DOCK10: variants seen among roughly 807,000 people sequenced by gnomAD.
DOCK10 encodes the protein dedicator of cytokinesis protein 10.
In DOCK10, 145 loss-of-function variants were observed where a neutral mutation model predicts 280.1. The ratio of observed to expected loss-of-function variants is 0.52; its 90% CI spans 0.45 to 0.59. DOCK10 has a LOEUF of 0.59. DOCK10 is among the 20% of genes least tolerant of loss of function. The probability of loss-of-function intolerance (pLI) is 0.00; values close to 1 mark genes in which losing one functional copy is unlikely to be tolerated. For missense variants in DOCK10, 2,368 were observed against 2,651.7 expected (o/e 0.89, Z 2.35); for synonymous variants, 915 against 942.2 (o/e 0.97, Z 0.53).
rs776239178 is a variant in DOCK10 at position 224,773,145 on chromosome 2, A to G, written c.6204+12T>C. 6.2e-7 allele frequency: 1 copy of G among 1,600,396 alleles called. No homozygotes were observed. Among genetic ancestry groups the G allele is most frequent in the Non-Finnish European group, 8.5e-7 (1 of 1,170,024 alleles). On this transcript the variant is annotated intron_variant, in intron 53 of 55. Coordinates refer to ENST00000258390, the MANE Select transcript of DOCK10 (RefSeq NM_014689.3). ...GCCATGTGCATCTCAGCCCTGGGCAATGCTTACTCACCTTCACGCTGACAC... is the reference window on the plus strand; with the variant it reads ...GCCATGTGCATCTCAGCCCTGGGCAGTGCTTACTCACCTTCACGCTGACAC...
Position 224,784,390 on chromosome 2 carries a change from G to A in DOCK10, c.5655+2632C>T, listed in dbSNP as rs907920189. Among the ~76,000 whole-genome samples, 6 of 152,224 alleles carry A rather than the reference G, an allele frequency of 3.9e-5. 1 individual carries two copies. In the South Asian group the frequency reaches 6.2e-4, roughly 16 times the overall value. The stretch of plus-strand genomic sequence containing the variant: ...TCATAGTGGCCTGAAATAAGTAGAC[G>A]ATCTACAATACCAAGTCTATGCTAC... On this transcript the variant is annotated intron_variant, in intron 50 of 55. Coordinates refer to ENST00000258390, the MANE Select transcript of DOCK10 (RefSeq NM_014689.3).
intron 1 of DOCK10, among the ~76,000 whole-genome samples, chr2:224,976,367 G>A (rs932922729): frequency 3.9e-5 from 6 of 152,142 alleles, no homozygotes; most frequent in African/African-American, 9.7e-5. Flanking sequence ...AAACCTGCAC[G>A]TTCTGCACAT....
At chr2:224,894,399 A>T (rs1422965025) in intron 4 of DOCK10, among the ~76,000 whole-genome samples, 1 of 152,210 alleles carries the variant, frequency 6.6e-6, no homozygotes, top group Non-Finnish European at 1.5e-5. Context: ...AGATGGTGGG[A>T]ACACATTTAG....
At chr2:224,840,930 A>G (rs1055965945) in intron 23 of DOCK10, among the ~76,000 whole-genome samples, 1 of 152,230 alleles carries the variant, frequency 6.6e-6, no homozygotes, top group Non-Finnish European at 1.5e-5. Flanking sequence ...ATACAGCCTT[A>G]AAAAGGAAGG....
chr2:224,780,289 G>GT (rs1170672319), intron 50 of DOCK10, among the ~76,000 whole-genome samples: 2 of 151,998 alleles, frequency 1.3e-5, no homozygotes, highest in East Asian at 1.9e-4. Context: ...AGCCTGCTAT[G>GT]TTTTTTTTCT....
Position 224,786,668 on chromosome 2 carries a change from T to C in DOCK10, c.5655+354A>G, listed in dbSNP as rs3768878. ...TTCCTAGAATATTAGGAATGTTATT[T>C]CTTAAAACATATTCAATTTAATTTC... On this transcript the variant is annotated intron_variant, in intron 50 of 55. Transcript: ENST00000258390. This position sits in a 1 kb window ranked among gnomAD's most constrained non-coding sequence, Gnocchi z 4.7. Among the ~76,000 whole-genome samples the C allele has an allele frequency of 0.19, 29,634 of 152,178 alleles. 3,425 individuals carry two copies. The highest frequency in any genetic ancestry group is 0.33 in the African/African-American group (13,588 of 41,464).
At chr2:224,843,936 G>A (rs967985318) in intron 22 of DOCK10, among the ~76,000 whole-genome samples, 5 of 152,106 alleles carry the variant, frequency 3.3e-5, no homozygotes, top group African/African-American at 1.2e-4. Context: ...AGACTCTGTT[G>A]ATATCATTTC....
At chr2:225,018,202 G>C (rs79031122) in intron 1 of DOCK10, among the ~76,000 whole-genome samples, 1 of 152,046 alleles carries the variant, frequency 6.6e-6, no homozygotes, top group Non-Finnish European at 1.5e-5. Flanking sequence ...AACCATGTCT[G>C]TAGTCTCCTG....
intron 1 of DOCK10, among the ~76,000 whole-genome samples, chr2:224,945,399 T>A (rs1007603793): frequency 6.6e-6 from 1 of 152,142 alleles, no homozygotes; most frequent in Non-Finnish European, 1.5e-5. Context: ...ACTCTGCATA[T>A]TCCAGTTATG....
intron 1 of DOCK10, chr2:224,983,584 TTG>T: frequency 3.2e-6 from 1 of 316,964 alleles, no homozygotes; most frequent in Non-Finnish European, 6.4e-6. Flanking sequence ...AAGGATTGTT[TTG>T]CTGTAACGTG....
chr2:224,854,882 AC>A, intron 16 of DOCK10, 80 bp downstream of exon 16: 1 of 1,133,078 alleles, frequency 8.8e-7, no homozygotes. Flanking sequence ...CAACCAACCA[AC>A]CAACCAACCA....
intron 39 of DOCK10, among the ~76,000 whole-genome samples, chr2:224,802,535 C>T (rs1046700710): frequency 6.6e-6 from 1 of 152,114 alleles, no homozygotes; most frequent in African/African-American, 2.4e-5. Flanking sequence ...GTCATGTCCA[C>T]AGGGGGCTGA....
intron 1 of DOCK10, chr2:224,982,311 T>C: frequency 8.1e-7 from 1 of 1,232,020 alleles, no homozygotes; most frequent in Non-Finnish European, 1.0e-6. Context: ...TGTGGACAGC[T>C]CCTCTGGACC....
chr2:224,797,589 A>C (rs572208674), intron 42 of DOCK10, among the ~76,000 whole-genome samples: 12 of 152,308 alleles, frequency 7.9e-5, no homozygotes, highest in African/African-American at 2.9e-4. Context: ...CAGATAACTC[A>C]AAGAATTGGT....
chr2:225,038,047 C>T (rs1690312684), intron 1 of DOCK10, among the ~76,000 whole-genome samples: 1 of 152,174 alleles, frequency 6.6e-6, no homozygotes, highest in South Asian at 2.1e-4. Context: ...AAACCATAAA[C>T]ACCCTTGTCA....
At chr2:224,816,823 A>G (rs1384577806) in intron 29 of DOCK10, 110 bp from the exon 30 acceptor site, 1 of 651,196 alleles carries the variant, frequency 1.5e-6, no homozygotes, top group Non-Finnish European at 2.7e-6. Context: ...AAAAGTAGTT[A>G]CCATACACTT....
chr2:224,902,082 C>T (rs1281136290), intron 3 of DOCK10, among the ~76,000 whole-genome samples: 2 of 152,146 alleles, frequency 1.3e-5, no homozygotes, highest in Non-Finnish European at 1.5e-5. Flanking sequence ...AAAGAACACC[C>T]TAAGGTGCTG....
In DOCK10 at chr2:224,853,062, G is replaced by C. The variant is rs1479653779; in HGVS notation, c.1949C>G (p.Pro650Arg). ...KPFNMMAQTEPTVEVEEFVYD... is the reference protein window; with the variant it reads ...KPFNMMAQTERTVEVEEFVYD... ...AACAAATTCTTCCACCTCCACTGTG[G>C]GTTCTGTTTGAGCCATCATGTTGAA... is the stretch of plus-strand genomic sequence containing the variant. The change falls in exon 17 of 56, where the codon CCC becomes CGC. Residue 650 changes from proline (P) to arginine (R), a missense_variant. This residue lies in a region of DOCK10 where 1,209 missense variants were observed against 1,250.9 expected (regional missense o/e 0.97). Transcript: ENST00000258390. The C allele has an allele frequency of 1.2e-6, 2 of 1,610,276 alleles. No individual in the cohort carries two copies. Among genetic ancestry groups the C allele is most frequent in the African/African-American group, 2.7e-5 (2 of 74,886 alleles).
chr2:224,961,548 C>G (rs1559874697), intron 1 of DOCK10, among the ~76,000 whole-genome samples: 1 of 145,698 alleles, frequency 6.9e-6, no homozygotes, highest in Admixed American at 7.1e-5. Context: ...CGCTCTGTTG[C>G]CAGGCTGGAG....
Sources: allele counts gnomAD v4.1 joint callset (sites outside exome capture counted in the v4.1 genomes callset), GRCh38; gene constraint gnomAD v4.1.1; regional missense constraint gnomAD v4.1.1; non-coding constraint Gnocchi (gnomAD v3.1); transcripts MANE v1.5; gene names NCBI Gene and HGNC (gene_info 2026-07-23, HGNC 2026-07-21).